The following FMN1 variants were observed in gnomAD, a reference collection of about 807,000 sequenced individuals.
FMN1 encodes formin-1.
A neutral mutation model predicts 132.4 loss-of-function variants in FMN1; 110 were observed. The observed-to-expected ratio is 0.83, with a 90% CI of 0.71 to 0.97. The LOEUF is 0.97. Ranked by LOEUF, FMN1 falls within the 50% of genes least tolerant of loss-of-function variation. FMN1 has a pLI of 0.00. For missense variants in FMN1, 1,792 were observed against 1,705.3 expected (o/e 1.05, Z -0.90); for synonymous variants, 722 against 651.7 (o/e 1.11, Z -1.64).
intron 4 of FMN1, among the ~76,000 whole-genome samples, chr15:33,148,706 A>G (rs1356574571): frequency 6.6e-6 from 1 of 152,128 alleles, no homozygotes; most frequent in African/African-American, 2.4e-5. Context: ...TCAGCCTTGC[A>G]GGTATCTGTT....
chr15:32,987,548 G>C (rs184474632), intron 7 of FMN1, among the ~76,000 whole-genome samples: 92 of 152,208 alleles, frequency 6.0e-4, no homozygotes, highest in African/African-American at 2.2e-3. Context: ...AACTGATTAG[G>C]AGGACTGAGG....
rs2060841307 is a variant in FMN1, at chr15:32,922,090, C to T, written c.3226+4084G>A. 2.0e-5 allele frequency among the ~76,000 whole-genome samples: 3 copies of T among 152,160 alleles called. No homozygotes were observed. The South Asian group carries it at 6.2e-4, about 32-fold the overall frequency. On this transcript the variant is annotated intron_variant, in intron 10 of 20. Coordinates refer to ENST00000616417, the MANE Select transcript of FMN1 (RefSeq NM_001277313.2). ...AAGATACTGCTCTGTTATTTCATAG[C>T]CAATTCTACTATAATGTTGGGCTGC...
rs566705274 is a variant in FMN1, at chr15:32,767,595, T to G, written c.*6715A>C. The G allele has an allele frequency of 1.3e-5, 2 of 152,382 alleles. No homozygotes were observed. The highest frequency in any genetic ancestry group is 4.8e-5 in the African/African-American group (2 of 41,594). The allele number at this position is 152,382 out of a possible 1,614,324, so 9.4% of individuals were successfully genotyped here. ...TCTTAAAAATTATCCAATTTCTAAT[T>G]TTAAAAGTTTCTGCCTTTTTAGTAT... On this transcript the variant is annotated 3_prime_UTR_variant, in exon 21 of 21. Coordinates refer to ENST00000616417, the MANE Select transcript of FMN1 (RefSeq NM_001277313.2).
intron 16 of FMN1, among the ~76,000 whole-genome samples, chr15:32,876,609 T>C (rs1350206129): frequency 6.6e-6 from 1 of 152,204 alleles, no homozygotes; most frequent in African/African-American, 2.4e-5. Flanking sequence ...ATTTAAAAAT[T>C]ATTCCAAAAT....
At chr15:32,925,102 T>C (rs1255108987) in intron 10 of FMN1, among the ~76,000 whole-genome samples, 2 of 152,214 alleles carry the variant, frequency 1.3e-5, no homozygotes, top group African/African-American at 4.8e-5. Flanking sequence ...ATGTCTTTTA[T>C]CTAAAATTGA....
intron 17 of FMN1, among the ~76,000 whole-genome samples, chr15:32,818,923 G>C (rs984715293): frequency 3.0e-5 from 4 of 133,080 alleles, no homozygotes; most frequent in African/African-American, 1.1e-4. Context: ...GCTGATTTCA[G>C]AAAGTAAAAA....
chr15:32,804,417 T>A (rs1206116715), intron 17 of FMN1, 85 bp from the exon 18 acceptor site: 4 of 195,854 alleles, frequency 2.0e-5, no homozygotes, highest in African/African-American at 4.4e-5. Flanking sequence ...ACCCATTCAT[T>A]ACCACAGGAG....
In FMN1 at chr15:33,154,097, G is replaced by T; in HGVS notation, c.818C>A (p.Ser273Tyr). 6.5e-7 allele frequency: 1 copy of T among 1,536,188 alleles called. No individual in the cohort carries two copies. Residue 273 changes from serine to tyrosine, a missense_variant, in exon 4 of 21, where the codon TCC becomes TAC. By Grantham distance (144) the Ser-to-Tyr change is moderately radical. Transcript: ENST00000616417. ...GREVLPPDCS[S>Y]TEAGGDGIRR... Reference sequence around the variant, plus strand: ...AATGCCATCCCCTCCTGCCTCTGTGGAGCTGCAGTCAGGGGGCAGCACTTC... The same window carrying T: ...AATGCCATCCCCTCCTGCCTCTGTGTAGCTGCAGTCAGGGGGCAGCACTTC...
intron 7 of FMN1, among the ~76,000 whole-genome samples, chr15:33,000,504 T>C (rs1049574237): frequency 6.9e-6 from 1 of 145,162 alleles, no homozygotes; most frequent in East Asian, 2.0e-4. Flanking sequence ...GGGCTGAGCA[T>C]AGTGGCTGAC....
chr15:32,832,593 C>T (rs2058527614), intron 17 of FMN1, among the ~76,000 whole-genome samples: 1 of 152,066 alleles, frequency 6.6e-6, no homozygotes, highest in East Asian at 1.9e-4. Context: ...TCTTGGCCAA[C>T]ATGGTGAAAC....
chr15:33,016,679 A>G (rs2035065596), intron 6 of FMN1, among the ~76,000 whole-genome samples: 1 of 152,226 alleles, frequency 6.6e-6, no homozygotes, highest in African/African-American at 2.4e-5. Context: ...GCCTTCAACC[A>G]GCACACACGT....
intron 3 of FMN1, among the ~76,000 whole-genome samples, chr15:33,166,853 G>A (rs1180366408): frequency 6.6e-6 from 1 of 152,134 alleles, no homozygotes; most frequent in Admixed American, 6.6e-5. Context: ...GGTAGAAAGG[G>A]CTGTGTAACC....
intron 5 of FMN1, among the ~76,000 whole-genome samples, chr15:33,073,478 C>T (rs1403426580): frequency 2.0e-5 from 3 of 152,234 alleles, no homozygotes; most frequent in South Asian, 4.1e-4. Context: ...TAAGTAAGTT[C>T]TGAATAAAGA....
At chr15:33,111,391 G>C (rs893585676) in intron 4 of FMN1, among the ~76,000 whole-genome samples, 1 of 152,078 alleles carries the variant, frequency 6.6e-6, no homozygotes, top group African/African-American at 2.4e-5. Context: ...GCCTAAAATG[G>C]TACAGCAGCT....
At position 33,105,677 on chromosome 15, in the gene FMN1, T is replaced by G. The variant is rs1437929513; in HGVS notation, c.1868-16703A>C. 3.9e-5 allele frequency: 6 copies of G among 152,312 alleles called. No homozygotes were observed. In the East Asian group the frequency reaches 1.2e-3, roughly 29 times the overall value. The allele number at this position is 152,312 out of a possible 1,614,324, so 9.4% of individuals were successfully genotyped here. On this transcript the variant is annotated intron_variant, in intron 4 of 20. Coordinates refer to ENST00000616417, the MANE Select transcript of FMN1 (RefSeq NM_001277313.2). ...GTTTGGATATCTAAAGATTAATTAC[T>G]TCCTGTTTTCTCTTTCAATAAATAT...
intron 7 of FMN1, among the ~76,000 whole-genome samples, chr15:32,983,011 T>G (rs2032799647): frequency 1.3e-5 from 2 of 152,202 alleles, no homozygotes; most frequent in South Asian, 4.1e-4. Flanking sequence ...TATATATCTA[T>G]ATATTTTACG....
chr15:33,010,959 G>C (rs557659442), intron 6 of FMN1, among the ~76,000 whole-genome samples: 4 of 150,786 alleles, frequency 2.7e-5, no homozygotes, highest in African/African-American at 9.7e-5. Flanking sequence ...TGATTTATAA[G>C]ACTTCATATT....
chr15:32,941,513 A>G (rs1378408485), intron 9 of FMN1, among the ~76,000 whole-genome samples: 2 of 152,210 alleles, frequency 1.3e-5, no homozygotes, highest in Admixed American at 1.3e-4. Flanking sequence ...AAACAATACA[A>G]CAGAGCACTA....
At chr15:32,967,942 T>C (rs1455199806) in intron 8 of FMN1, among the ~76,000 whole-genome samples, 3 of 152,246 alleles carry the variant, frequency 2.0e-5, no homozygotes, top group African/African-American at 7.2e-5. Flanking sequence ...ACTTAAGATC[T>C]CTTTCACTGT....
Sources: gnomAD v4.1 joint callset for allele counts (sites outside exome capture counted in the v4.1 genomes callset) on GRCh38, gnomAD v4.1.1 for gene constraint, MANE v1.5 for transcripts, NCBI Gene and HGNC (gene_info 2026-07-23, HGNC 2026-07-21) for gene names.